The following USH2A variants were observed in gnomAD, a reference collection of about 807,000 sequenced individuals.
USH2A encodes the protein Usher syndrome 2A (autosomal recessive, mild).
USH2A carries 443 observed loss-of-function variants against 538.9 expected under a neutral mutation model. The observed-to-expected ratio is 0.82, with a 90% CI of 0.76 to 0.89. The LOEUF is 0.89. Among genes scored for constraint, USH2A ranks in the 40% least tolerant of loss-of-function variants. The pLI, the probability that USH2A is intolerant of heterozygous loss-of-function variation, is 0.00. For synonymous variants in USH2A, 2,413 were observed against 2,273.5 expected (o/e 1.06, Z -1.75); for missense variants, 6,633 against 6,324.8 (o/e 1.05, Z -1.65).
intron 21 of USH2A, among the ~76,000 whole-genome samples, chr1:216,117,024 C>A (rs1048813692): frequency 1.3e-5 from 2 of 152,138 alleles, no homozygotes; most frequent in African/African-American, 2.4e-5. Context: ...TGACTTAACT[C>A]ATGGCCATTA....
At chr1:216,080,309 G>C (rs1240544148) in intron 26 of USH2A, among the ~76,000 whole-genome samples, 1 of 152,012 alleles carries the variant, frequency 6.6e-6, no homozygotes, top group Non-Finnish European at 1.5e-5. Flanking sequence ...CCTTAAAGAA[G>C]CTAAGAGAAC....
At chr1:215,828,163 G>A (rs561441623) in intron 47 of USH2A, among the ~76,000 whole-genome samples, 2 of 152,226 alleles carry the variant, frequency 1.3e-5, no homozygotes, top group East Asian at 3.9e-4. Context: ...AAATATAGGG[G>A]GATGCCGGGT....
chr1:215,970,876 A>T, intron 35 of USH2A, 100 bp from the exon 36 acceptor site: 1 of 1,200,306 alleles, frequency 8.3e-7, no homozygotes, highest in South Asian at 1.2e-5. Flanking sequence ...GTTTCATGGA[A>T]TCATTAAATC....
At chr1:215,742,053 A>T (rs537681801) in intron 59 of USH2A, among the ~76,000 whole-genome samples, 6 of 152,352 alleles carry the variant, frequency 3.9e-5, no homozygotes, top group Non-Finnish European at 8.8e-5. Context: ...TTTGTACTTG[A>T]GTCAAGAAAA....
rs562492049 is a variant in USH2A at position 215,993,148 on chromosome 1, C to T, written c.6677G>A (p.Cys2226Tyr). The T allele has an allele frequency of 4.5e-5, 73 of 1,613,996 alleles. 1 individual carries two copies. In the South Asian group the frequency reaches 7.8e-4, roughly 17 times the overall value. The change falls in exon 35 of 72, where the codon TGC (cysteine) becomes TAC (tyrosine). Residue 2226 changes from cysteine (C) to tyrosine (Y), a missense_variant. Cys to Tyr is a radical substitution (Grantham distance 194, BLOSUM62 -2). Transcript: ENST00000307340. Reference protein sequence around the residue: ...IKLGACTGGGCTVSEASEALT... With the variant: ...IKLGACTGGGYTVSEASEALT... Reference sequence around the variant, plus strand: ...GGCCTCACTGGCCTCACTCACTGTGCACCCACCACCTGTGCAAGCCTAAAC... The same window carrying T: ...GGCCTCACTGGCCTCACTCACTGTGTACCCACCACCTGTGCAAGCCTAAAC...
intron 10 of USH2A, among the ~76,000 whole-genome samples, chr1:216,290,523 G>A (rs1052180111): frequency 1.3e-5 from 2 of 152,096 alleles, no homozygotes; most frequent in Admixed American, 6.6e-5. Context: ...CTTTCACAAA[G>A]CTCTCTTACA....
At chr1:215,687,222 G>A (rs1658453883) in intron 61 of USH2A, among the ~76,000 whole-genome samples, 1 of 152,058 alleles carries the variant, frequency 6.6e-6, no homozygotes, top group Non-Finnish European at 1.5e-5. Context: ...GATTAGGCAG[G>A]GGACAATTGT....
chr1:216,078,357 C>T lies in USH2A; in HGVS notation c.5304G>A (p.Glu1768=), dbSNP rs1484754043. 1 of 1,613,336 alleles carries T rather than the reference C, an allele frequency of 6.2e-7. No homozygotes were observed. The highest frequency in any genetic ancestry group is 1.7e-5 in the Admixed American group (1 of 59,982). Residue 1768 remains glutamate (E), a synonymous_variant, in exon 27 of 72, where the codon GAG becomes GAA. Transcript: ENST00000307340. ...GGAAGGTCAATATTCCACTTTTCAG[C>T]TCCATCTGTATTTTATATTAAAAAA... The part of the protein sequence containing the change: ...NKDGPDFLAM[E]LKSGILTFRL...
At chr1:216,317,752 C>G (rs111312494) in intron 9 of USH2A, among the ~76,000 whole-genome samples, 9,876 of 151,954 alleles carry the variant, frequency 0.065, 363 homozygotes, top group Middle Eastern at 0.11. Context: ...ACTTGGGAGA[C>G]TGAGGCAGAA....
rs371469120 is a variant in USH2A at position 216,254,488 on chromosome 1, C to T, written c.1972-3390G>A. Reference sequence around the variant, plus strand: ...TCTAGATTGACCTATTGGTTTTCTTCGGCCAAATACTAGCACATATAATGC... The same window carrying T: ...TCTAGATTGACCTATTGGTTTTCTTTGGCCAAATACTAGCACATATAATGC... On this transcript the variant is annotated intron_variant, in intron 11 of 71. Coordinates refer to ENST00000307340, the MANE Select transcript of USH2A (RefSeq NM_206933.4). Among the ~76,000 whole-genome samples the T allele has an allele frequency of 2.6e-5, 4 of 152,108 alleles. No individual in the cohort carries two copies. The East Asian group carries it at 5.8e-4, about 22-fold the overall frequency.
intron 40 of USH2A, among the ~76,000 whole-genome samples, chr1:215,893,841 T>G (rs531906245): frequency 6.6e-6 from 1 of 152,196 alleles, no homozygotes; most frequent in East Asian, 1.9e-4. Context: ...GGATTCCGTA[T>G]TGGTCATTTT....
rs774846630 is a variant in USH2A, at chr1:216,217,440, C to A, written c.3104G>T (p.Cys1035Phe). The A allele has an allele frequency of 3.7e-6, 6 of 1,613,158 alleles. No homozygotes were observed. The highest frequency in any genetic ancestry group is 1.3e-5 in the African/African-American group (1 of 74,860). The change falls in exon 15 of 72, where the codon TGT becomes TTT. Residue 1035 changes from cysteine to phenylalanine, a missense_variant. Cys to Phe is a radical substitution (Grantham distance 205). Coordinates refer to ENST00000307340, the MANE Select transcript of USH2A (RefSeq NM_206933.4). ...QFVTGSKCDA[C>F]VPSASHLDVN... ...ATCCAAGTGGCTTGCACTGGGAACA[C>A]AAGCATCACACTTTGAGCCAGTGAC...
At chr1:215,847,617 G>C (rs1204043936) in intron 44 of USH2A, among the ~76,000 whole-genome samples, 2 of 151,270 alleles carry the variant, frequency 1.3e-5, no homozygotes, top group Non-Finnish European at 2.9e-5. Flanking sequence ...TGTACTCCAG[G>C]CTGGACAACA....
In USH2A at chr1:216,191,182, T is replaced by C. The variant is rs889820374; in HGVS notation, c.4252-815A>G. Among the ~76,000 whole-genome samples, 4 of 151,978 alleles carry C rather than the reference T, an allele frequency of 2.6e-5. 1 individual carries two copies. The highest frequency in any genetic ancestry group is 9.7e-5 in the African/African-American group (4 of 41,430). On this transcript the variant is annotated intron_variant, in intron 19 of 71. Coordinates refer to ENST00000307340, the MANE Select transcript of USH2A (RefSeq NM_206933.4). ...AGAAATTATATTCAGAAAATAAAAG[T>C]CATTAAAACAGAGAGTATGACAGTA...
intron 12 of USH2A, among the ~76,000 whole-genome samples, chr1:216,249,250 T>A (rs1558343198): frequency 1.3e-5 from 2 of 152,090 alleles, no homozygotes; most frequent in East Asian, 3.8e-4. Flanking sequence ...TCACAAAATA[T>A]ATATTTATGT....
intron 3 of USH2A, among the ~76,000 whole-genome samples, chr1:216,374,154 A>C (rs904432884): frequency 4.0e-5 from 6 of 151,586 alleles, no homozygotes; most frequent in African/African-American, 1.5e-4. Context: ...CCTAATGCTA[A>C]ATCATGAGTT....
intron 50 of USH2A, among the ~76,000 whole-genome samples, chr1:215,797,598 A>G (rs1662183890): frequency 6.6e-6 from 1 of 152,032 alleles, no homozygotes; most frequent in Non-Finnish European, 1.5e-5. Context: ...TGCTAAATCT[A>G]TTCTGCTTGT....
rs753138126 is a variant in USH2A, at chr1:215,759,810, T to A, written c.11081A>T (p.Asn3694Ile). ...CCAATATAATTCCACTGTTGTAGAATTGATGATAATGTGTCGAGGTGTCAC... is the reference window on the plus strand; with the variant it reads ...CCAATATAATTCCACTGTTGTAGAAATGATGATAATGTGTCGAGGTGTCAC... Reference protein sequence around the residue: ...VWVTPRHIIINSTTVELYWSL... With the variant: ...VWVTPRHIIIISTTVELYWSL... Residue 3694 changes from asparagine to isoleucine, a missense_variant, in exon 57 of 72, where the codon AAT becomes ATT. Asn to Ile is a moderately radical substitution (Grantham distance 149). Coordinates refer to ENST00000307340, the MANE Select transcript of USH2A (RefSeq NM_206933.4). 2 of 1,613,894 alleles carry A rather than the reference T, an allele frequency of 1.2e-6. No homozygotes were observed. Among genetic ancestry groups the A allele is most frequent in the African/African-American group, 2.7e-5 (2 of 74,910 alleles).
chr1:216,413,978 C>T (rs1352059615), intron 3 of USH2A, among the ~76,000 whole-genome samples: 2 of 152,088 alleles, frequency 1.3e-5, no homozygotes, highest in Non-Finnish European at 2.9e-5. Flanking sequence ...TGCCACTAAA[C>T]ACATATACTT....
Sources: allele counts gnomAD v4.1 joint callset (sites outside exome capture counted in the v4.1 genomes callset), GRCh38; gene constraint gnomAD v4.1.1; transcripts MANE v1.5; gene names NCBI Gene and HGNC (gene_info 2026-07-23, HGNC 2026-07-21).